FBLIM1: variants seen among roughly 807,000 people sequenced by gnomAD.
The protein encoded by FBLIM1 is filamin-binding LIM protein 1.
FBLIM1 carries 29 observed loss-of-function variants against 37.4 expected under a neutral mutation model. The observed-to-expected ratio is 0.77, with a 90% CI of 0.58 to 1.06. FBLIM1 has a LOEUF of 1.06. Among genes scored for constraint, FBLIM1 ranks in the 50% least tolerant of loss-of-function variants. FBLIM1 has a pLI of 0.00. For missense variants in FBLIM1, 449 were observed against 505.6 expected (o/e 0.89, Z 1.07); for synonymous variants, 193 against 199.0 (o/e 0.97, Z 0.25).
intron 1 of FBLIM1, among the ~76,000 whole-genome samples, chr1:15,759,590 T>TGCCTAACCAGCTGTC (rs2068569378): frequency 6.6e-6 from 1 of 152,218 alleles, no homozygotes; most frequent in Non-Finnish European, 1.5e-5. Context: ...TCTCAGCTGC[T>TGCCTAACCAGCTGTC]GCCTAACCAG....
At chr1:15,768,964 C>A (rs895061204) in intron 5 of FBLIM1, among the ~76,000 whole-genome samples, 3 of 152,284 alleles carry the variant, frequency 2.0e-5, no homozygotes, top group African/African-American at 7.2e-5. Flanking sequence ...AAGCCTGCAA[C>A]CTGCCCCATC....
chr1:15,770,659 A>T, intron 6 of FBLIM1, 81 bp downstream of exon 6: 1 of 1,473,980 alleles, frequency 6.8e-7, no homozygotes. Context: ...TTCCCCACAC[A>T]GTCCTGGGAA....
chr1:15,769,876 G>T (rs561878384), intron 5 of FBLIM1, among the ~76,000 whole-genome samples: 2 of 151,578 alleles, frequency 1.3e-5, no homozygotes, highest in African/African-American at 2.4e-5. Flanking sequence ...CTTGTGATCC[G>T]CCCACCTCGG....
chr1:15,767,228 A>G, intron 3 of FBLIM1, 148 bp from the exon 4 acceptor site: 1 of 623,088 alleles, frequency 1.6e-6, no homozygotes. Flanking sequence ...CACACAGCAA[A>G]TCAGTGGCAG....
intron 1 of FBLIM1, among the ~76,000 whole-genome samples, chr1:15,763,666 G>GTC (rs931281499): frequency 1.3e-5 from 2 of 151,798 alleles, no homozygotes; most frequent in African/African-American, 4.8e-5. Flanking sequence ...AAAAGACAGA[G>GTC]TCTCGCTCTG....
rs765877107 is a variant in FBLIM1, at chr1:15,774,648, G to A, written c.742G>A (p.Glu248Lys). Residue 248 changes from glutamate (E) to lysine (K), a missense_variant, in exon 7 of 9, where the codon GAG becomes AAG. Physicochemically the swap from Glu to Lys is moderately conservative, Grantham distance 56. Coordinates refer to ENST00000375766, the MANE Select transcript of FBLIM1 (RefSeq NM_017556.4). ...ACTGGAGAGGTGCGGCAAGTGTGGC[G>A]AGGTGGTCCGGGACCACATCATCAG... is the stretch of plus-strand genomic sequence containing the variant. Reference protein sequence around the residue: ...DTLERCGKCGEVVRDHIIRAL... With the variant: ...DTLERCGKCGKVVRDHIIRAL... The A allele has an allele frequency of 5.8e-5, 93 of 1,613,692 alleles. No homozygotes were observed. In the Admixed American group the frequency reaches 8.3e-4, roughly 14 times the overall value.
chr1:15,768,382 C>CT, intron 4 of FBLIM1, 146 bp from the exon 5 acceptor site: 1 of 522,078 alleles, frequency 1.9e-6, no homozygotes, highest in South Asian at 3.5e-5. Flanking sequence ...TGCTGAGAGA[C>CT]TTACGCAGGT....
At chr1:15,772,077 G>A (rs577895034) in intron 6 of FBLIM1, among the ~76,000 whole-genome samples, 4 of 152,126 alleles carry the variant, frequency 2.6e-5, no homozygotes, top group East Asian at 1.9e-4. Context: ...ACCCACAGCC[G>A]CATCCCCTGG....
intron 1 of FBLIM1, among the ~76,000 whole-genome samples, chr1:15,761,598 C>T (rs1413171694): frequency 6.6e-6 from 1 of 152,142 alleles, no homozygotes; most frequent in East Asian, 1.9e-4. Flanking sequence ...AACTAAAGCC[C>T]GTGACAGCCA....
At position 15,784,653 on chromosome 1, in the gene FBLIM1, T is replaced by G; in HGVS notation, c.1114T>G (p.Cys372Gly). ...PCHVKRSAAG[C>G]C is the part of the protein sequence containing the mutation. ...CCATGTGAAGCGGAGTGCTGCGGGGTGCTGCTGAGAGTGCCCGCTGGGCAG... is the reference window on the plus strand; with the variant it reads ...CCATGTGAAGCGGAGTGCTGCGGGGGGCTGCTGAGAGTGCCCGCTGGGCAG... The change falls in exon 9 of 9, where the codon TGC becomes GGC. Residue 372 changes from cysteine to glycine, a missense_variant. Coordinates refer to ENST00000375766, the MANE Select transcript of FBLIM1 (RefSeq NM_017556.4). 6.2e-7 allele frequency: 1 copy of G among 1,613,778 alleles called. No homozygotes were observed. Among genetic ancestry groups the G allele is most frequent in the Non-Finnish European group, 8.5e-7 (1 of 1,179,788 alleles).
chr1:15,773,190 A>G (rs2069304825), intron 6 of FBLIM1, among the ~76,000 whole-genome samples: 1 of 152,180 alleles, frequency 6.6e-6, no homozygotes, highest in African/African-American at 2.4e-5. Context: ...GTTCGAGACC[A>G]GCCTGACCAA....
At position 15,767,436 on chromosome 1, in the gene FBLIM1, T is replaced by TC; in HGVS notation, c.314dup (p.Pro106ThrfsTer13). On this transcript the variant is annotated frameshift_variant, in exon 4 of 9. Coordinates refer to ENST00000375766, the MANE Select transcript of FBLIM1 (RefSeq NM_017556.4). LOFTEE classifies it high-confidence loss of function. The stretch of plus-strand genomic sequence containing the variant: ...GACGTGCTTCCTGACCTGGACCTCC[T>TC]CCCACCCCCTCCACCGCCCCCTCCA... The TC allele has an allele frequency of 1.7e-6, 2 of 1,209,876 alleles. No individual in the cohort carries two copies. The highest frequency in any genetic ancestry group is 2.2e-5 in the Admixed American group (1 of 44,712). The allele number at this position is 1,209,876 out of a possible 1,614,324, so 74.9% of individuals were successfully genotyped here.
intron 8 of FBLIM1, among the ~76,000 whole-genome samples, chr1:15,782,854 G>A (rs2069677803): frequency 6.7e-6 from 1 of 150,222 alleles, no homozygotes; most frequent in Non-Finnish European, 1.5e-5. Context: ...TGTCTCCCAG[G>A]CTGGAGTGCA....
At position 15,765,675 on chromosome 1, in the gene FBLIM1, C is replaced by T. The variant is rs1178433313; in HGVS notation, c.250+442C>T. On this transcript the variant is annotated intron_variant, in intron 3 of 8. Coordinates refer to ENST00000375766, the MANE Select transcript of FBLIM1 (RefSeq NM_017556.4). The surrounding 1 kb of genome is among the most constrained non-coding windows in gnomAD (Gnocchi z 5.9). Reference sequence around the variant, plus strand: ...GACTGCAGGACACAAAGGCTGGCCCCGGGCCCTGGGGATGCTGCCAGCTGC... The same window carrying T: ...GACTGCAGGACACAAAGGCTGGCCCTGGGCCCTGGGGATGCTGCCAGCTGC... 4.6e-5 allele frequency among the ~76,000 whole-genome samples: 7 copies of T among 152,138 alleles called. No individual in the cohort carries two copies. Among genetic ancestry groups the T allele is most frequent in the East Asian group, 1.9e-4 (1 of 5,194 alleles).
Position 15,765,238 on chromosome 1 carries a change from G to C in FBLIM1, c.250+5G>C. On this transcript the variant is annotated splice_donor_5th_base_variant and intron_variant, in intron 3 of 8. Coordinates refer to ENST00000375766, the MANE Select transcript of FBLIM1 (RefSeq NM_017556.4). This position sits in a 1 kb window ranked among gnomAD's most constrained non-coding sequence, Gnocchi z 5.9. ...CTATGCAGCTCTTCAATGGAGGTAAGAGCTGAGGGGACTTTGGGGAAGACC... is the reference window on the plus strand; with the variant it reads ...CTATGCAGCTCTTCAATGGAGGTAACAGCTGAGGGGACTTTGGGGAAGACC... 29 of 1,600,372 alleles carry C rather than the reference G, an allele frequency of 1.8e-5. No homozygotes were observed. The highest frequency in any genetic ancestry group is 2.5e-5 in the Non-Finnish European group (29 of 1,170,358).
At chr1:15,764,341 C>T (rs1056729505) in intron 1 of FBLIM1, among the ~76,000 whole-genome samples, 155 bp from the exon 2 acceptor site, 1 of 152,132 alleles carries the variant, frequency 6.6e-6, no homozygotes, top group Non-Finnish European at 1.5e-5. Context: ...ATGAGCATAA[C>T]GTGTGAGTGT....
At chr1:15,776,565 A>G (rs898861990) in intron 7 of FBLIM1, among the ~76,000 whole-genome samples, 2 of 151,820 alleles carry the variant, frequency 1.3e-5, no homozygotes, top group Admixed American at 1.3e-4. Flanking sequence ...TGTGCCTCTT[A>G]AGAAAGAAAG....
intron 8 of FBLIM1, among the ~76,000 whole-genome samples, chr1:15,783,759 T>C (rs1055962358): frequency 6.6e-6 from 1 of 151,982 alleles, no homozygotes; most frequent in Middle Eastern, 3.4e-3. Context: ...GTTTTTTGTA[T>C]TTTTAGTAGA....
intron 6 of FBLIM1, 105 bp downstream of exon 6, chr1:15,770,683 A>T (rs1377015448): frequency 7.6e-7 from 1 of 1,313,546 alleles, no homozygotes; most frequent in African/African-American, 1.5e-5. Flanking sequence ...GGCACTATTG[A>T]CCCCTTTCAC....
Sources: allele counts gnomAD v4.1 joint callset (sites outside exome capture counted in the v4.1 genomes callset), GRCh38; gene constraint gnomAD v4.1.1; non-coding constraint Gnocchi (gnomAD v3.1); transcripts MANE v1.5; gene names NCBI Gene and HGNC (gene_info 2026-07-23, HGNC 2026-07-21).